FLRT1: variants seen among roughly 807,000 people sequenced by gnomAD.
FLRT1 encodes leucine-rich repeat transmembrane protein FLRT1.
Under a neutral mutation model 30.9 loss-of-function variants are expected in FLRT1, and 14 were observed. That is an observed-to-expected ratio of 0.45 (90% CI 0.30 to 0.71). FLRT1 has a LOEUF of 0.71. Among genes scored for constraint, FLRT1 ranks in the 30% least tolerant of loss-of-function variants. FLRT1 has a pLI of 0.08. For synonymous variants in FLRT1, 368 were observed against 430.4 expected, an observed-to-expected ratio of 0.85 and a Z score of 1.80; for missense variants, 737 against 949.2, an observed-to-expected ratio of 0.78 and a Z score of 2.94.
At chr11:64,071,508 G>A (rs1189642916) in intron 1 of FLRT1, among the ~76,000 whole-genome samples, 5 of 152,152 alleles carry the variant, frequency 3.3e-5, no homozygotes, top group Non-Finnish European at 5.9e-5. Context: ...AGCTCGCCCA[G>A]GAGTCACCCT....
chr11:64,063,311 T>C, intron 1 of FLRT1, among the ~76,000 whole-genome samples: 1 of 152,022 alleles, frequency 6.6e-6, no homozygotes, highest in East Asian at 1.9e-4. Flanking sequence ...GAGTTAACAG[T>C]TGTAAAACAC....
intron 1 of FLRT1, among the ~76,000 whole-genome samples, chr11:64,099,650 G>A (rs1427644733): frequency 4.6e-5 from 7 of 151,730 alleles, no homozygotes; most frequent in African/African-American, 1.7e-4. Context: ...ATAGGAGGAT[G>A]GATGGAGAGA....
At position 64,117,781 on chromosome 11, in the gene FLRT1, T is replaced by A; in HGVS notation, c.1514T>A (p.Ile505Asn). The change falls in exon 3 of 3, where the codon ATC (isoleucine) becomes AAC (asparagine). Residue 505 changes from isoleucine to asparagine, a missense_variant. By Grantham distance (149) the Ile-to-Asn change is moderately radical. Transcript: ENST00000682287. ...TALEPKSTYI[I>N]CMVTMETSNA... ...CTGGAGCCCAAGTCCACCTACATCA[T>A]CTGCATGGTCACCATGGAGACCAGC... 6.2e-7 allele frequency: 1 copy of A among 1,614,106 alleles called. No homozygotes were observed. Among genetic ancestry groups the A allele is most frequent in the Non-Finnish European group, 8.5e-7 (1 of 1,180,034 alleles).
intron 1 of FLRT1, among the ~76,000 whole-genome samples, chr11:64,054,350 C>T (rs947484165): frequency 6.6e-6 from 1 of 152,190 alleles, no homozygotes; most frequent in Admixed American, 6.5e-5. Context: ...AGGAAAGAAG[C>T]GGCCACTTCT....
chr11:64,072,104 T>TA (rs1944119941), intron 1 of FLRT1, among the ~76,000 whole-genome samples: 1 of 152,196 alleles, frequency 6.6e-6, no homozygotes, highest in Non-Finnish European at 1.5e-5. Flanking sequence ...GCTGAACTCA[T>TA]AACCGCTGGG....
chr11:64,112,026 T>C (rs1022379536), intron 2 of FLRT1, among the ~76,000 whole-genome samples: 1 of 152,148 alleles, frequency 6.6e-6, no homozygotes, highest in African/African-American at 2.4e-5. Flanking sequence ...TGGGGTGGAA[T>C]CCAGACCCCA....
At chr11:64,039,261 GCTAA>G (rs1397850055) in intron 1 of FLRT1, among the ~76,000 whole-genome samples, 1 of 152,112 alleles carries the variant, frequency 6.6e-6, no homozygotes, top group Non-Finnish European at 1.5e-5. Context: ...TGGCGAGGGT[GCTAA>G]CTGCCTATAG....
intron 1 of FLRT1, among the ~76,000 whole-genome samples, chr11:64,057,912 C>T (rs752177661): frequency 6.6e-6 from 1 of 152,204 alleles, no homozygotes; most frequent in Non-Finnish European, 1.5e-5. Context: ...GGGTGCAACC[C>T]CAAAGCCAGT....
At chr11:64,072,322 C>T (rs1222998434) in intron 1 of FLRT1, among the ~76,000 whole-genome samples, 1 of 152,116 alleles carries the variant, frequency 6.6e-6, no homozygotes, top group South Asian at 2.1e-4. Context: ...GTGGCTGCAC[C>T]AGGGCGAGCC....
intron 1 of FLRT1, among the ~76,000 whole-genome samples, chr11:64,049,390 G>A (rs903796763): frequency 1.3e-5 from 2 of 152,198 alleles, no homozygotes; most frequent in South Asian, 2.1e-4. Context: ...GGGCAGGGAG[G>A]TCAGCAGGCC....
intron 2 of FLRT1, among the ~76,000 whole-genome samples, chr11:64,112,864 C>A (rs1944887492): frequency 6.6e-6 from 1 of 152,186 alleles, no homozygotes; most frequent in Non-Finnish European, 1.5e-5. Flanking sequence ...TGGGCAGAGA[C>A]CCTGTAAGTG....
At chr11:64,085,248 G>T (rs1184879082) in intron 1 of FLRT1, among the ~76,000 whole-genome samples, 1 of 152,208 alleles carries the variant, frequency 6.6e-6, no homozygotes, top group Non-Finnish European at 1.5e-5. Flanking sequence ...GAGCAGCGCT[G>T]TCCCTGGGCA....
Position 64,104,143 on chromosome 11 carries a change from G to T in FLRT1, c.-88G>T, listed in dbSNP as rs1944717837. On this transcript the variant is annotated 5_prime_UTR_variant, in exon 2 of 3. Transcript: ENST00000682287. ...AGGGGCCTCCGGACCAGTGACCCCAGTCAAACCCAGAGGGTCTTGGGCGGC... is the reference window on the plus strand; with the variant it reads ...AGGGGCCTCCGGACCAGTGACCCCATTCAAACCCAGAGGGTCTTGGGCGGC... The T allele has an allele frequency of 6.6e-6, 1 of 152,362 alleles. No individual in the cohort carries two copies. Among genetic ancestry groups the T allele is most frequent in the South Asian group, 2.1e-4 (1 of 4,826 alleles). The allele number at this position is 152,362 out of a possible 1,614,324, so 9.4% of individuals were successfully genotyped here.
intron 1 of FLRT1, among the ~76,000 whole-genome samples, chr11:64,070,486 C>G (rs577708022): frequency 1.3e-5 from 2 of 152,168 alleles, no homozygotes; most frequent in African/African-American, 4.8e-5. Context: ...GGGAAGCTTT[C>G]GGACCCTCCT....
chr11:64,093,657 C>T (rs1207785634), intron 1 of FLRT1, among the ~76,000 whole-genome samples: 1 of 152,240 alleles, frequency 6.6e-6, no homozygotes. Context: ...CTGCCCTCTT[C>T]CCTGGACAGG....
intron 1 of FLRT1, among the ~76,000 whole-genome samples, chr11:64,059,450 C>T (rs896890656): frequency 6.6e-6 from 1 of 152,138 alleles, no homozygotes; most frequent in Non-Finnish European, 1.5e-5. Context: ...GACAGGGAAG[C>T]GTGGGCCCAC....
intron 2 of FLRT1, among the ~76,000 whole-genome samples, chr11:64,106,265 G>T (rs904011207): frequency 1.2e-4 from 18 of 152,186 alleles, no homozygotes; most frequent in African/African-American, 4.3e-4. Context: ...TCTTTGGGCT[G>T]CTGTGGTGAG....
At chr11:64,089,849 G>A (rs1944459112) in intron 1 of FLRT1, among the ~76,000 whole-genome samples, 1 of 152,186 alleles carries the variant, frequency 6.6e-6, no homozygotes, top group African/African-American at 2.4e-5. Flanking sequence ...GGGAAAGAAT[G>A]AGGAGGATGA....
chr11:64,061,920 G>A (rs1428491904), intron 1 of FLRT1, among the ~76,000 whole-genome samples: 1 of 113,238 alleles, frequency 8.8e-6, no homozygotes, highest in African/African-American at 3.5e-5. Flanking sequence ...TTGCTATGTT[G>A]CCCAGGCTGG....
Sources: gnomAD v4.1 joint callset for allele counts (sites outside exome capture counted in the v4.1 genomes callset) on GRCh38, gnomAD v4.1.1 for gene constraint, MANE v1.5 for transcripts, NCBI Gene and HGNC (gene_info 2026-07-23, HGNC 2026-07-21) for gene names.